The following CTNND2 variants were observed in gnomAD, a reference collection of about 807,000 sequenced individuals.
The protein encoded by CTNND2 is catenin delta-2.
A neutral mutation model predicts 144.4 loss-of-function variants in CTNND2; 22 were observed. The ratio of observed to expected loss-of-function variants is 0.15; its 90% confidence interval spans 0.11 to 0.22. The LOEUF is 0.22. Ranked by LOEUF, CTNND2 falls within the 10% of genes least tolerant of loss-of-function variation. The pLI, the probability that CTNND2 is intolerant of heterozygous loss-of-function variation, is 1.00. For synonymous variants in CTNND2, 751 were observed against 695.6 expected (o/e 1.08, Z -1.25); for missense variants, 1,353 against 1,618.8 (o/e 0.84, Z 2.82).
At chr5:11,697,898 C>A (rs1785211232) in intron 2 of CTNND2, among the ~76,000 whole-genome samples, 2 of 152,152 alleles carry the variant, frequency 1.3e-5, no homozygotes, top group African/African-American at 4.8e-5. Context: ...ACATCTAACA[C>A]CCTATGTCTG....
Position 11,135,960 on chromosome 5 carries a change from C to T in CTNND2, c.2160-18393G>A, listed in dbSNP as rs144692612. 9.8e-5 allele frequency among the ~76,000 whole-genome samples: 15 copies of T among 152,306 alleles called. No individual in the cohort carries two copies. The East Asian group carries it at 2.9e-3, about 29-fold the overall frequency. ...ACTGCTATCATCTGAATATCTGTGT[C>T]CCTCCTAAAATTTATATGTTGAAAC... is the stretch of plus-strand genomic sequence containing the variant. On this transcript the variant is annotated intron_variant, in intron 12 of 21. Transcript: ENST00000304623.
intron 3 of CTNND2, among the ~76,000 whole-genome samples, chr5:11,476,947 C>A (rs1262859271): frequency 6.6e-6 from 1 of 152,174 alleles, no homozygotes; most frequent in African/African-American, 2.4e-5. Context: ...TAAAACACCT[C>A]CCTTTTTATA....
At chr5:11,240,354 C>CAT (rs1305953446) in intron 9 of CTNND2, among the ~76,000 whole-genome samples, 3 of 103,472 alleles carry the variant, frequency 2.9e-5, no homozygotes, top group Admixed American at 2.2e-4. Context: ...CCAACACACA[C>CAT]ACATTCACAC....
At chr5:11,791,947 C>T (rs955597927) in intron 1 of CTNND2, among the ~76,000 whole-genome samples, 8 of 152,152 alleles carry the variant, frequency 5.3e-5, no homozygotes, top group African/African-American at 1.9e-4. Context: ...ACTGGTCAAA[C>T]AGGATCAAAG....
intron 9 of CTNND2, among the ~76,000 whole-genome samples, chr5:11,243,772 G>T (rs1742699993): frequency 6.6e-6 from 1 of 152,146 alleles, no homozygotes; most frequent in East Asian, 1.9e-4. Context: ...TGTTCTGCTG[G>T]TACGGAAACC....
chr5:11,586,505 T>G (rs1778872217), intron 2 of CTNND2, among the ~76,000 whole-genome samples: 1 of 152,214 alleles, frequency 6.6e-6, no homozygotes, highest in African/African-American at 2.4e-5. Context: ...CACACGTTAA[T>G]AAGCTACCTG....
intron 8 of CTNND2, among the ~76,000 whole-genome samples, chr5:11,361,322 A>G (rs1320023820): frequency 1.3e-5 from 2 of 152,016 alleles, no homozygotes; most frequent in Non-Finnish European, 2.9e-5. Flanking sequence ...CTCCAGGCCT[A>G]TTTATTTATT....
chr5:11,901,963 G>C (rs1448772876), intron 1 of CTNND2, among the ~76,000 whole-genome samples: 1 of 152,138 alleles, frequency 6.6e-6, no homozygotes, highest in African/African-American at 2.4e-5. Flanking sequence ...TGGGCATAAC[G>C]GTGTGTTCAA....
intron 1 of CTNND2, among the ~76,000 whole-genome samples, chr5:11,749,888 A>T (rs1788518577): frequency 6.6e-6 from 1 of 152,050 alleles, no homozygotes; most frequent in Non-Finnish European, 1.5e-5. Context: ...TTGTATATTT[A>T]GGTTTCAAGT....
intron 1 of CTNND2, among the ~76,000 whole-genome samples, chr5:11,850,653 A>G (rs571063810): frequency 1.5e-4 from 23 of 152,342 alleles, no homozygotes; most frequent in Admixed American, 1.2e-3. Flanking sequence ...GAGCCACAAA[A>G]GATAATAACA....
intron 1 of CTNND2, among the ~76,000 whole-genome samples, chr5:11,844,029 GTCA>G (rs1336237733): frequency 1.3e-5 from 2 of 152,100 alleles, no homozygotes; most frequent in Non-Finnish European, 1.5e-5. Context: ...AGTCCCAGTT[GTCA>G]TCAAGCTCAA....
chr5:10,988,032 A>G lies in CTNND2; in HGVS notation c.3343+79T>C. ...GCAGCCAAGCGCAGCCAGCCCCGTG[A>G]AGCCTGATGTCCCATATCTCTGCCT... On this transcript the variant is annotated intron_variant, in intron 20 of 21. Coordinates refer to ENST00000304623, the MANE Select transcript of CTNND2 (RefSeq NM_001332.4). This position sits in a 1 kb window ranked among gnomAD's most constrained non-coding sequence, Gnocchi z 5.9. 1 of 1,578,766 alleles carries G rather than the reference A, an allele frequency of 6.3e-7. No individual in the cohort carries two copies. The highest frequency in any genetic ancestry group is 2.2e-5 in the East Asian group (1 of 44,510).
At chr5:11,814,207 A>T (rs956316674) in intron 1 of CTNND2, among the ~76,000 whole-genome samples, 2 of 152,236 alleles carry the variant, frequency 1.3e-5, no homozygotes, top group African/African-American at 4.8e-5. Context: ...GCCAATGTAG[A>T]TTTTTTACAT....
intron 6 of CTNND2, among the ~76,000 whole-genome samples, chr5:11,394,322 C>A (rs1759882570): frequency 6.6e-6 from 1 of 152,204 alleles, no homozygotes; most frequent in Non-Finnish European, 1.5e-5. Flanking sequence ...GGGCTCATGG[C>A]ATCAATTGGC....
intron 9 of CTNND2, among the ~76,000 whole-genome samples, chr5:11,256,541 T>C (rs909550491): frequency 1.2e-4 from 19 of 152,214 alleles, no homozygotes; most frequent in African/African-American, 4.6e-4. Context: ...AGATATTCAA[T>C]GAACAAATGA....
rs1054518270 is a variant in CTNND2, at chr5:11,448,813, C to A, written c.288-36744G>T. 2.6e-5 allele frequency among the ~76,000 whole-genome samples: 4 copies of A among 152,034 alleles called. No homozygotes were observed. The East Asian group carries it at 5.8e-4, about 22-fold the overall frequency. On this transcript the variant is annotated intron_variant, in intron 3 of 21. Coordinates refer to ENST00000304623, the MANE Select transcript of CTNND2 (RefSeq NM_001332.4). ...CCTCCCAAAAAGCTGGAACTATAGG[C>A]GTGCACCACCAGGCCTGGCTTTTTG...
chr5:11,790,131 T>C (rs1791056377), intron 1 of CTNND2, among the ~76,000 whole-genome samples: 1 of 152,242 alleles, frequency 6.6e-6, no homozygotes, highest in Non-Finnish European at 1.5e-5. Flanking sequence ...GGACCTATCA[T>C]TTCATTTACT....
At chr5:11,036,931 C>G (rs757908462) in intron 16 of CTNND2, among the ~76,000 whole-genome samples, 1 of 152,156 alleles carries the variant, frequency 6.6e-6, no homozygotes, top group Non-Finnish European at 1.5e-5. Flanking sequence ...AAATGAAAAG[C>G]TCAACCACCA....
intron 3 of CTNND2, among the ~76,000 whole-genome samples, chr5:11,541,244 A>G (rs1774705659): frequency 6.6e-6 from 1 of 152,154 alleles, no homozygotes; most frequent in Non-Finnish European, 1.5e-5. Context: ...GTGTTTCAGA[A>G]AGCTTCCTAG....
Sources: gnomAD v4.1 joint callset for allele counts (sites outside exome capture counted in the v4.1 genomes callset) on GRCh38, gnomAD v4.1.1 for gene constraint, Gnocchi (gnomAD v3.1) non-coding constraint, MANE v1.5 for transcripts, NCBI Gene and HGNC (gene_info 2026-07-23, HGNC 2026-07-21) for gene names.